The following GRIN2A variants were observed in gnomAD, a reference collection of about 807,000 sequenced individuals.
GRIN2A encodes glutamate receptor ionotropic, NMDA 2A.
GRIN2A carries 22 observed loss-of-function variants against 113.4 expected under a neutral mutation model. The ratio of observed to expected loss-of-function variants is 0.19; its 90% CI spans 0.14 to 0.28. GRIN2A has a LOEUF of 0.28. Among genes scored for constraint, GRIN2A ranks in the 10% least tolerant of loss-of-function variants. The probability of loss-of-function intolerance (pLI) is 1.00; values close to 1 mark genes in which losing one functional copy is unlikely to be tolerated. For missense variants in GRIN2A, 1,502 were observed against 1,887.0 expected (o/e 0.80, Z 3.78); for synonymous variants, 827 against 738.4 (o/e 1.12, Z -1.94).
At chr16:9,967,034 T>A (rs748428353) in intron 2 of GRIN2A, among the ~76,000 whole-genome samples, 2 of 152,194 alleles carry the variant, frequency 1.3e-5, no homozygotes, top group Non-Finnish European at 2.9e-5. Context: ...TTCTCACTAT[T>A]AGTTCAGCAC....
chr16:9,853,521 G>A (rs928488705), intron 4 of GRIN2A, among the ~76,000 whole-genome samples: 10 of 152,062 alleles, frequency 6.6e-5, no homozygotes, highest in African/African-American at 2.4e-4. Context: ...ACCTTGATTT[G>A]GACTTCCCAG....
chr16:10,046,331 T>G (rs1027974449), intron 2 of GRIN2A, among the ~76,000 whole-genome samples: 3 of 151,404 alleles, frequency 2.0e-5, no homozygotes, highest in Non-Finnish European at 4.4e-5. Context: ...TTAAATTGTT[T>G]TTTTTTTTTT....
At chr16:10,041,934 G>A (rs1276329748) in intron 2 of GRIN2A, among the ~76,000 whole-genome samples, 2 of 151,998 alleles carry the variant, frequency 1.3e-5, no homozygotes, top group African/African-American at 4.8e-5. Context: ...TTTGTATATC[G>A]CAATATAGTC....
intron 2 of GRIN2A, among the ~76,000 whole-genome samples, chr16:10,052,908 C>T (rs1183891358): frequency 2.0e-5 from 3 of 152,084 alleles, no homozygotes; most frequent in Admixed American, 6.5e-5. Flanking sequence ...ATTACCCAGG[C>T]ACAGTGGCAC....
intron 11 of GRIN2A, among the ~76,000 whole-genome samples, chr16:9,791,039 A>T (rs1902576631): frequency 6.6e-6 from 1 of 152,224 alleles, no homozygotes; most frequent in South Asian, 2.1e-4. Context: ...TTTAATCCTT[A>T]AAGAATTCTG....
chr16:9,772,882 T>G (rs958590696), intron 11 of GRIN2A, among the ~76,000 whole-genome samples: 1 of 150,044 alleles, frequency 6.7e-6, no homozygotes. Flanking sequence ...ACAATACCTC[T>G]TTTTAGAGGA....
chr16:10,054,051 G>T (rs1192193369), intron 2 of GRIN2A, among the ~76,000 whole-genome samples: 1 of 152,046 alleles, frequency 6.6e-6, no homozygotes, highest in East Asian at 1.9e-4. Flanking sequence ...ATTTGAATAT[G>T]GAGTGACAAT....
chr16:10,064,354 G>A (rs2047608548), intron 2 of GRIN2A, among the ~76,000 whole-genome samples: 1 of 152,148 alleles, frequency 6.6e-6, no homozygotes, highest in Non-Finnish European at 1.5e-5. Context: ...CGTTGTCACT[G>A]GTCTAACCTC....
intron 3 of GRIN2A, among the ~76,000 whole-genome samples, chr16:9,897,283 T>C (rs2043826216): frequency 6.6e-6 from 1 of 152,004 alleles, no homozygotes; most frequent in African/African-American, 2.4e-5. Flanking sequence ...CAGTATTAAG[T>C]GTATGAAGCT....
At chr16:9,873,969 C>T (rs1483961137) in intron 4 of GRIN2A, among the ~76,000 whole-genome samples, 5 of 152,312 alleles carry the variant, frequency 3.3e-5, no homozygotes, top group East Asian at 1.9e-4. Flanking sequence ...TTAAAGACAA[C>T]GTAAGTGAGA....
intron 2 of GRIN2A, among the ~76,000 whole-genome samples, chr16:10,156,913 G>A (rs1002526537): frequency 2.6e-5 from 4 of 152,178 alleles, no homozygotes; most frequent in Non-Finnish European, 4.4e-5. Flanking sequence ...CTATGGGCAC[G>A]TGAAAGAAAG....
rs142113044 is a variant in GRIN2A, at chr16:9,763,757, C to T, written c.3787G>A (p.Gly1263Arg). 1.2e-5 allele frequency: 20 copies of T among 1,614,018 alleles called. No individual in the cohort carries two copies. The highest frequency in any genetic ancestry group is 1.6e-4 in the Middle Eastern group (1 of 6,084). ...MLQETGNPAT[G>R]EQVYQQDWAQ... ...CAGTCCTGCTGGTAGACCTGCTCCC[C>T]GGTGGCTGGGTTACCTGTCTCCTGA... is the stretch of plus-strand genomic sequence containing the variant. Residue 1263 changes from glycine to arginine, a missense_variant, in exon 13 of 13, where the codon GGG becomes AGG. By Grantham distance (125) the Gly-to-Arg change is moderately radical. Around this residue, in one of 7 missense-constraint regions of GRIN2A, gnomAD observed 832 missense variants for 789.7 expected, o/e 1.05. Transcript: ENST00000330684.
At chr16:10,112,009 T>A (rs2048625292) in intron 2 of GRIN2A, 1 of 652,578 alleles carries the variant, frequency 1.5e-6, no homozygotes, top group Non-Finnish European at 2.8e-6. Flanking sequence ...AAGCTGCCTG[T>A]GGTCAATGAT....
At chr16:10,170,804 G>C (rs1470565604) in intron 2 of GRIN2A, among the ~76,000 whole-genome samples, 2 of 151,688 alleles carry the variant, frequency 1.3e-5, no homozygotes, top group Non-Finnish European at 2.9e-5. Context: ...CTAAGCCCAG[G>C]AGGTTGAGGC....
Position 9,763,538 on chromosome 16 carries a change from G to C in GRIN2A, c.4006C>G (p.Leu1336Val), listed in dbSNP as rs1900693709. 1 of 1,614,022 alleles carries C rather than the reference G, an allele frequency of 6.2e-7. No homozygotes were observed. Among genetic ancestry groups the C allele is most frequent in the East Asian group, 2.2e-5 (1 of 44,864 alleles). The change falls in exon 13 of 13, where the codon CTC becomes GTC. Residue 1336 changes from leucine (L) to valine (V), a missense_variant. Coordinates refer to ENST00000330684, the MANE Select transcript of GRIN2A (RefSeq NM_001134407.3). ...GSLFSVPSSK[L>V]SGKKSSLFPQ... ...AAAAGGGAGCTTTTTTTCCCCGAGA[G>C]TTTGCTTGAGGGGACACTAAACAGG...
chr16:9,975,098 C>T (rs113838199), intron 2 of GRIN2A, among the ~76,000 whole-genome samples: 3,062 of 152,118 alleles, frequency 0.02, 107 homozygotes, highest in African/African-American at 0.071. Context: ...TAATTTTCTG[C>T]ATCTATTAAG....
intron 8 of GRIN2A, among the ~76,000 whole-genome samples, 161 bp from the exon 9 acceptor site, chr16:9,829,813 T>C (rs1001621959): frequency 6.6e-6 from 1 of 152,290 alleles, no homozygotes; most frequent in Middle Eastern, 3.4e-3. Context: ...ATAACTTATT[T>C]TTTTCTTTAA....
intron 11 of GRIN2A, among the ~76,000 whole-genome samples, chr16:9,769,954 A>T (rs1344772321): frequency 6.6e-6 from 1 of 152,206 alleles, no homozygotes; most frequent in East Asian, 1.9e-4. Context: ...CTGGCTCTGA[A>T]TGGCCCCTTG....
At chr16:9,805,219 C>G (rs989908516) in intron 10 of GRIN2A, among the ~76,000 whole-genome samples, 1 of 152,208 alleles carries the variant, frequency 6.6e-6, no homozygotes, top group African/African-American at 2.4e-5. Flanking sequence ...AGCGGCTTGA[C>G]ATTTCCTAAT....
Sources: gnomAD v4.1 joint callset for allele counts (sites outside exome capture counted in the v4.1 genomes callset) on GRCh38, gnomAD v4.1.1 for gene constraint, gnomAD v4.1.1 regional missense constraint, MANE v1.5 for transcripts, NCBI Gene and HGNC (gene_info 2026-07-23, HGNC 2026-07-21) for gene names.